FHDC1: variants seen among roughly 807,000 people sequenced by gnomAD.
FHDC1 encodes the protein FH2 domain containing 1.
In FHDC1, 25 loss-of-function variants were observed where a neutral mutation model predicts 52.6. The observed-to-expected ratio is 0.48, with a 90% CI of 0.35 to 0.66. The LOEUF (loss-of-function observed/expected upper bound fraction) is 0.66, where lower values mean the gene tolerates loss of function less well. Ranked by LOEUF, FHDC1 falls within the 30% of genes least tolerant of loss-of-function variation. The pLI, the probability that FHDC1 is intolerant of heterozygous loss-of-function variation, is 0.01. For missense variants in FHDC1, 1,459 were observed against 1,452.8 expected, an observed-to-expected ratio of 1.00 and a Z score of -0.07; for synonymous variants, 616 against 581.5, an observed-to-expected ratio of 1.06 and a Z score of -0.85.
At chr4:152,961,210 C>G (rs1414346421) in intron 6 of FHDC1, among the ~76,000 whole-genome samples, 6 of 142,276 alleles carry the variant, frequency 4.2e-5, no homozygotes, top group Non-Finnish European at 9.2e-5. Flanking sequence ...GCCCGGGCCC[C>G]TGGCCCAGCT....
Position 152,976,549 on chromosome 4 carries a change from G to C in FHDC1, c.3258G>C (p.Leu1086Phe). Residue 1086 changes from leucine to phenylalanine, a missense_variant, in exon 12 of 12, where the codon TTG becomes TTC. Leu to Phe is a conservative substitution (Grantham distance 22). Transcript: ENST00000511601. ...EDAAPKDSSTLRRASSARAPK... is the reference protein window; with the variant it reads ...EDAAPKDSSTFRRASSARAPK... ...CCGCTCCCAAGGACAGCAGCACTTTGAGGCGAGCCAGCAGTGCCCGGGCCC... is the reference window on the plus strand; with the variant it reads ...CCGCTCCCAAGGACAGCAGCACTTTCAGGCGAGCCAGCAGTGCCCGGGCCC... 6.2e-7 allele frequency: 1 copy of C among 1,613,014 alleles called. No individual in the cohort carries two copies. Among genetic ancestry groups the C allele is most frequent in the Non-Finnish European group, 8.5e-7 (1 of 1,179,818 alleles).
chr4:152,975,266 C>G lies in FHDC1; in HGVS notation c.1975C>G (p.Gln659Glu). ...YSEPVSLGSA[Q>E]SPPLSPLALG... ...TGAGCCGGTGAGCCTGGGCTCAGCA[C>G]AGTCCCCTCCTCTCTCGCCATTGGC... is the stretch of plus-strand genomic sequence containing the variant. Residue 659 changes from glutamine to glutamate, a missense_variant, in exon 12 of 12, where the codon CAG (glutamine) becomes GAG (glutamate). Around this residue, in one of 3 missense-constraint regions of FHDC1, gnomAD observed 939 missense variants for 854.5 expected, o/e 1.10. Transcript: ENST00000511601. 1 of 1,613,530 alleles carries G rather than the reference C, an allele frequency of 6.2e-7. No homozygotes were observed. The highest frequency in any genetic ancestry group is 1.1e-5 in the South Asian group (1 of 91,084).
Position 152,976,880 on chromosome 4 carries a change from T to G in FHDC1, c.*157T>G. 1.1e-6 allele frequency: 1 copy of G among 940,954 alleles called. No individual in the cohort carries two copies. Among genetic ancestry groups the G allele is most frequent in the Non-Finnish European group, 1.5e-6 (1 of 667,876 alleles). 58.3% of individuals were successfully genotyped at this position (940,954 alleles called of 1,614,324 possible). On this transcript the variant is annotated 3_prime_UTR_variant, in exon 12 of 12. Transcript: ENST00000511601. ...TTGGGATGGCACAGTCCAGGAGGCC[T>G]GTGGACTGCAGCCTGCTGTGCTGAG...
In FHDC1 at chr4:152,961,855, A is replaced by G. The variant is rs187944768; in HGVS notation, c.851-959A>G. ...TTTAAACTTTTTTTCCATACACACT[A>G]TTGCAGCGACTTTGGAAGGTTTGTT... On this transcript the variant is annotated intron_variant, in intron 6 of 11. Transcript: ENST00000511601. Among the ~76,000 whole-genome samples the G allele has an allele frequency of 3.3e-3, 499 of 152,258 alleles. 1 individual carries two copies. Among genetic ancestry groups the G allele is most frequent in the African/African-American group, 0.011 (467 of 41,556 alleles).
At chr4:152,956,812 T>G (rs1262082860) in intron 4 of FHDC1, among the ~76,000 whole-genome samples, 1 of 152,220 alleles carries the variant, frequency 6.6e-6, no homozygotes, top group Non-Finnish European at 1.5e-5. Flanking sequence ...CCTCCTTGTT[T>G]ACATTACTGA....
At chr4:152,968,290 T>C (rs1371747937) in intron 10 of FHDC1, among the ~76,000 whole-genome samples, 193 bp downstream of exon 10, 1 of 150,578 alleles carries the variant, frequency 6.6e-6, no homozygotes, top group African/African-American at 2.4e-5. Context: ...CTAAGCCTGA[T>C]ATATTTTTTT....
chr4:152,961,491 T>C (rs1227056440), intron 6 of FHDC1, among the ~76,000 whole-genome samples: 1 of 152,204 alleles, frequency 6.6e-6, no homozygotes, highest in African/African-American at 2.4e-5. Context: ...TGCCCTGCCG[T>C]CTCCTTCCGG....
At chr4:152,936,460 G>C (rs1308843585) in intron 1 of FHDC1, 51 bp downstream of exon 1, 2 of 152,210 alleles carry the variant, frequency 1.3e-5, no homozygotes, top group African/African-American at 4.8e-5. Flanking sequence ...CGCGGGACAC[G>C]GGGAGCTGGA....
upstream of FHDC1, among the ~76,000 whole-genome samples, chr4:152,935,220 G>A (rs1312838561): frequency 6.6e-6 from 1 of 152,198 alleles, no homozygotes; most frequent in African/African-American, 2.4e-5. Flanking sequence ...AAGGAGGTCA[G>A]GAATTCTGTC....
At position 152,943,142 on chromosome 4, in the gene FHDC1, ACACCTCCTCCAG is replaced by A. The variant is rs763655765; in HGVS notation, c.97_108del (p.Ala33_Pro36del). 1.4e-5 allele frequency: 22 copies of A among 1,613,926 alleles called. No individual in the cohort carries two copies. The Admixed American group carries it at 2.0e-4, about 15-fold the overall frequency. On this transcript the variant is annotated inframe_deletion, in exon 2 of 12. Coordinates refer to ENST00000511601, the MANE Select transcript of FHDC1 (RefSeq NM_001371116.1). ...AGCACCTGGATTCATGATTGGGCAG[ACACCTCCTCCAG>A]CACCTCCTCCACCTCCTCCTCCACC...
At chr4:152,923,258 A>C in the FHDC1 span, among the ~76,000 whole-genome samples, 13 of 152,256 alleles carry the variant, frequency 8.5e-5, no homozygotes, top group Non-Finnish European at 1.9e-4. Context: ...CCCATTCACA[A>C]TTACTTCAAA....
intron 10 of FHDC1, among the ~76,000 whole-genome samples, chr4:152,968,589 C>T (rs1047765281): frequency 2.0e-5 from 3 of 152,194 alleles, no homozygotes; most frequent in Non-Finnish European, 4.4e-5. Flanking sequence ...CTGGGCCTCC[C>T]AAAGTGCTGG....
At chr4:152,964,264 C>G (rs1380632787) in intron 8 of FHDC1, among the ~76,000 whole-genome samples, 3 of 152,086 alleles carry the variant, frequency 2.0e-5, no homozygotes, top group Non-Finnish European at 4.4e-5. Flanking sequence ...AGACAAAGGG[C>G]CATGTTTAGC....
the FHDC1 span, among the ~76,000 whole-genome samples, chr4:152,912,673 C>A: frequency 6.6e-6 from 1 of 152,106 alleles, no homozygotes; most frequent in African/African-American, 2.4e-5. Context: ...AAGATAAAGG[C>A]TGAACAATCA....
chr4:152,945,087 T>C (rs989466778), intron 2 of FHDC1, among the ~76,000 whole-genome samples: 2 of 152,200 alleles, frequency 1.3e-5, no homozygotes, highest in Non-Finnish European at 2.9e-5. Flanking sequence ...GGGAGGCAGC[T>C]GTCAGGCTAG....
chr4:152,914,402 A>G, the FHDC1 span, among the ~76,000 whole-genome samples: 1 of 152,178 alleles, frequency 6.6e-6, no homozygotes, highest in Non-Finnish European at 1.5e-5. Flanking sequence ...TTAAGTGAGG[A>G]CTGTTAGTCT....
At chr4:152,940,313 G>A (rs915386574) in intron 1 of FHDC1, among the ~76,000 whole-genome samples, 3 of 152,222 alleles carry the variant, frequency 2.0e-5, no homozygotes, top group Non-Finnish European at 4.4e-5. Flanking sequence ...AAATTAATCA[G>A]ACAGCATACC....
Position 152,975,170 on chromosome 4 carries a change from C to A in FHDC1, c.1879C>A (p.Pro627Thr), listed in dbSNP as rs765417638. 1.1e-5 allele frequency: 18 copies of A among 1,613,182 alleles called. 1 individual carries two copies. In the South Asian group the frequency reaches 2.0e-4, roughly 18 times the overall value. ...GGCGCACCAGCTTGCAGCCGCCCAGCCTGAGAACCATGCCTCTGCCTTCCC... is the reference window on the plus strand; with the variant it reads ...GGCGCACCAGCTTGCAGCCGCCCAGACTGAGAACCATGCCTCTGCCTTCCC... ...AQAHQLAAAQPENHASAFPRA... is the reference protein window; with the variant it reads ...AQAHQLAAAQTENHASAFPRA... Residue 627 changes from proline to threonine, a missense_variant, in exon 12 of 12, where the codon CCT becomes ACT. Physicochemically the swap from Pro to Thr is conservative, Grantham distance 38. Around this residue, in one of 3 missense-constraint regions of FHDC1, gnomAD observed 939 missense variants for 854.5 expected, o/e 1.10. Coordinates refer to ENST00000511601, the MANE Select transcript of FHDC1 (RefSeq NM_001371116.1).
chr4:152,951,424 A>G (rs1193626963), intron 2 of FHDC1, among the ~76,000 whole-genome samples: 1 of 151,862 alleles, frequency 6.6e-6, no homozygotes, highest in Admixed American at 6.6e-5. Flanking sequence ...TCCAATAAGG[A>G]GGCCGCCCTT....
Sources: allele counts gnomAD v4.1 joint callset (sites outside exome capture counted in the v4.1 genomes callset), GRCh38; gene constraint gnomAD v4.1.1; regional missense constraint gnomAD v4.1.1; transcripts MANE v1.5; gene names NCBI Gene and HGNC (gene_info 2026-07-23, HGNC 2026-07-21).